PDE7A: variants seen among roughly 807,000 people sequenced by gnomAD.
The protein encoded by PDE7A is phosphodiesterase 7A.
Under a neutral mutation model 64.3 loss-of-function variants are expected in PDE7A, and 39 were observed. The ratio of observed to expected loss-of-function variants is 0.61; its 90% CI spans 0.47 to 0.79. PDE7A has a LOEUF of 0.79. PDE7A is among the 30% of genes least tolerant of loss of function. The pLI is 0.00. For missense variants in PDE7A, 470 were observed against 582.8 expected (o/e 0.81, Z 1.99); for synonymous variants, 203 against 206.8 (o/e 0.98, Z 0.16).
intron 1 of PDE7A, among the ~76,000 whole-genome samples, chr8:65,786,411 T>A (rs1328090526): frequency 1.3e-5 from 2 of 152,184 alleles, no homozygotes; most frequent in East Asian, 3.9e-4. Flanking sequence ...AAATGAATAT[T>A]AAGTTCTCTC....
chr8:65,740,505 A>T (rs959295327), intron 5 of PDE7A, among the ~76,000 whole-genome samples: 1 of 151,980 alleles, frequency 6.6e-6, no homozygotes, highest in African/African-American at 2.4e-5. Flanking sequence ...AGTTCAAGCG[A>T]TTCTCCTGCC....
intron 1 of PDE7A, among the ~76,000 whole-genome samples, chr8:65,820,651 G>A (rs1447856258): frequency 3.3e-5 from 5 of 152,088 alleles, no homozygotes; most frequent in Non-Finnish European, 7.4e-5. Context: ...GTGCAGTGGC[G>A]CAATCTTGAC....
chr8:65,794,331 GC>G (rs1240776110), intron 1 of PDE7A, among the ~76,000 whole-genome samples: 3 of 151,618 alleles, frequency 2.0e-5, no homozygotes, highest in Non-Finnish European at 4.4e-5. Context: ...ACAAGACCAA[GC>G]CACATGAACT....
intron 10 of PDE7A, among the ~76,000 whole-genome samples, chr8:65,724,567 G>A (rs976595994): frequency 6.6e-6 from 1 of 152,076 alleles, no homozygotes; most frequent in African/African-American, 2.4e-5. Flanking sequence ...GAAATCTTGA[G>A]TATGAAAAAC....
intron 3 of PDE7A, among the ~76,000 whole-genome samples, chr8:65,770,256 TAA>T (rs1049280622): frequency 6.6e-6 from 1 of 152,074 alleles, no homozygotes; most frequent in Non-Finnish European, 1.5e-5. Flanking sequence ...ACGCTGCTGA[TAA>T]AGACATACCT....
chr8:65,726,500 G>C (rs953656198), intron 9 of PDE7A, among the ~76,000 whole-genome samples: 4 of 152,092 alleles, frequency 2.6e-5, no homozygotes, highest in African/African-American at 9.7e-5. Flanking sequence ...TAATGTAATA[G>C]AATGTTTACA....
chr8:65,802,274 TGTGA>T (rs1403126756), intron 1 of PDE7A, among the ~76,000 whole-genome samples: 5 of 152,242 alleles, frequency 3.3e-5, no homozygotes, highest in Non-Finnish European at 2.9e-5. Context: ...TGCACAACAC[TGTGA>T]ATGTACTTAA....
At chr8:65,816,107 GAAT>G (rs1166016891) in intron 1 of PDE7A, among the ~76,000 whole-genome samples, 11 of 152,112 alleles carry the variant, frequency 7.2e-5, no homozygotes, top group Non-Finnish European at 1.5e-4. Context: ...TCTTGTAAAT[GAAT>G]AATATTTAGC....
At chr8:65,821,821 G>A (rs918305029) in intron 1 of PDE7A, among the ~76,000 whole-genome samples, 1 of 152,068 alleles carries the variant, frequency 6.6e-6, no homozygotes, top group African/African-American at 2.4e-5. Flanking sequence ...AATTGATAAA[G>A]TTTTACATAC....
intron 3 of PDE7A, among the ~76,000 whole-genome samples, chr8:65,757,821 A>G (rs1173971132): frequency 6.6e-6 from 1 of 151,926 alleles, no homozygotes; most frequent in Non-Finnish European, 1.5e-5. Flanking sequence ...GTTTCACCAT[A>G]TTGGCCAGGC....
rs565795280 is a variant in PDE7A, at chr8:65,739,464, G to A, written c.595+38C>T. ...AACTTAAACAGGTTCTTGTATAAAT[G>A]TAAATCTTGTTACTGTTAATGGGTT... On this transcript the variant is annotated intron_variant, in intron 6 of 12. Coordinates refer to ENST00000401827, the MANE Select transcript of PDE7A (RefSeq NM_001242318.3). 1.9e-4 allele frequency: 289 copies of A among 1,514,604 alleles called. 4 individuals are homozygous for A. The South Asian group carries it at 1.9e-3, about 10-fold the overall frequency. The allele number at this position is 1,514,604 out of a possible 1,614,324, so 93.8% of individuals were successfully genotyped here.
intron 12 of PDE7A, chr8:65,722,934 C>T (rs1158751766): frequency 6.6e-6 from 1 of 152,232 alleles, no homozygotes; most frequent in Non-Finnish European, 1.5e-5. Flanking sequence ...ATGGAAAGCA[C>T]TGGCGAGGCA....
Position 65,841,951 on chromosome 8 carries a change from G to T in PDE7A, c.-443C>A. The T allele has an allele frequency of 4.1e-6, 1 of 242,158 alleles. No homozygotes were observed. The highest frequency in any genetic ancestry group is 4.2e-5 in the South Asian group (1 of 24,012). 15.0% of individuals were successfully genotyped at this position (242,158 alleles called of 1,614,324 possible). ...CCAGGGCGCGCGGGACTCAGGAGCA[G>T]CGACCAGCTCGGGCCGCCGCCGCCG... On this transcript the variant is annotated 5_prime_UTR_variant, in exon 1 of 13. It adds an upstream start codon to the 5' untranslated region. Transcript: ENST00000401827.
At chr8:65,772,847 T>C (rs943362034) in intron 3 of PDE7A, among the ~76,000 whole-genome samples, 1 of 151,354 alleles carries the variant, frequency 6.6e-6, no homozygotes, top group African/African-American at 2.4e-5. Context: ...TTAATAAAAA[T>C]ACAAAAAAAA....
Position 65,715,048 on chromosome 8 carries a change from A to C in PDE7A, c.*4242T>G, listed in dbSNP as rs1020176735. ...TTACTCCTAGAGCAGAGACTCCCTC[A>C]GCCCCTGAAATGTTGAGCCAAGAGG... On this transcript the variant is annotated 3_prime_UTR_variant, in exon 13 of 13. Transcript: ENST00000401827. Among the ~76,000 whole-genome samples, 1 of 152,212 alleles carries C rather than the reference A, an allele frequency of 6.6e-6. No homozygotes were observed. The highest frequency in any genetic ancestry group is 2.1e-4 in the South Asian group (1 of 4,828).
intron 3 of PDE7A, among the ~76,000 whole-genome samples, chr8:65,777,930 C>T (rs1320657265): frequency 6.6e-6 from 1 of 152,138 alleles, no homozygotes; most frequent in Non-Finnish European, 1.5e-5. Context: ...GAATCTGTCC[C>T]TTAATGTCTT....
chr8:65,758,527 T>G (rs1457282960), intron 3 of PDE7A, among the ~76,000 whole-genome samples: 1 of 152,184 alleles, frequency 6.6e-6, no homozygotes, highest in Non-Finnish European at 1.5e-5. Context: ...ACAAATCTTG[T>G]GGGGACACTC....
At chr8:65,815,384 T>C (rs183302138) in intron 1 of PDE7A, among the ~76,000 whole-genome samples, 12 of 152,344 alleles carry the variant, frequency 7.9e-5, no homozygotes, top group Admixed American at 7.2e-4. Flanking sequence ...AGAAAACCTT[T>C]GTTTACCTTT....
At chr8:65,819,836 T>C (rs1426322428) in intron 1 of PDE7A, among the ~76,000 whole-genome samples, 3 of 152,218 alleles carry the variant, frequency 2.0e-5, no homozygotes, top group Non-Finnish European at 4.4e-5. Flanking sequence ...TAGGTAGGCA[T>C]AGCCGTGTCA....
Sources: allele counts gnomAD v4.1 joint callset (sites outside exome capture counted in the v4.1 genomes callset), GRCh38; gene constraint gnomAD v4.1.1; transcripts MANE v1.5; gene names NCBI Gene and HGNC (gene_info 2026-07-23, HGNC 2026-07-21).